CENPP: variants seen among roughly 807,000 people sequenced by gnomAD.
CENPP encodes centromere protein P.
CENPP carries 24 observed loss-of-function variants against 35.6 expected under a neutral mutation model. The observed-to-expected ratio is 0.67, with a 90% CI of 0.49 to 0.95. The LOEUF (loss-of-function observed/expected upper bound fraction) is 0.95. Ranked by LOEUF, CENPP falls within the 40% of genes least tolerant of loss-of-function variation. The probability of loss-of-function intolerance (pLI) is 0.00; values close to 1 mark genes in which losing one functional copy is unlikely to be tolerated. For missense variants in CENPP, 332 were observed against 345.3 expected (o/e 0.96, Z 0.31); for synonymous variants, 120 against 125.5 (o/e 0.96, Z 0.29).
intron 4 of CENPP, among the ~76,000 whole-genome samples, chr9:92,348,554 G>A (rs1441815909): frequency 8.6e-5 from 13 of 151,974 alleles, no homozygotes; most frequent in South Asian, 8.3e-4. Context: ...CACCACACCC[G>A]GCTAATTTTG....
intron 4 of CENPP, among the ~76,000 whole-genome samples, chr9:92,352,460 T>C (rs927954141): frequency 1.5e-5 from 2 of 132,340 alleles, no homozygotes; most frequent in Non-Finnish European, 3.1e-5. Flanking sequence ...AGCCTGTTGC[T>C]TAAAGCCTGT....
intron 4 of CENPP, among the ~76,000 whole-genome samples, chr9:92,351,115 T>A (rs1841428778): frequency 1.3e-5 from 2 of 152,134 alleles, no homozygotes; most frequent in East Asian, 3.8e-4. Context: ...TGTTAAAGAG[T>A]ACACTTCAAT....
intron 5 of CENPP, among the ~76,000 whole-genome samples, chr9:92,406,059 C>T (rs943078524): frequency 2.8e-4 from 43 of 152,164 alleles, no homozygotes; most frequent in Admixed American, 2.8e-3. Context: ...AAGCCACAAA[C>T]TGACTGGGAG....
chr9:92,559,248 T>C (rs1423765187), intron 5 of CENPP, among the ~76,000 whole-genome samples: 1 of 152,190 alleles, frequency 6.6e-6, no homozygotes, highest in Non-Finnish European at 1.5e-5. Context: ...CCCTGTGGTG[T>C]CAGGCAGGAA....
At chr9:92,569,550 C>T (rs907212200) in intron 5 of CENPP, among the ~76,000 whole-genome samples, 29 of 152,222 alleles carry the variant, frequency 1.9e-4, no homozygotes, top group African/African-American at 7.0e-4. Flanking sequence ...TTAGGATTGT[C>T]TTGGAAATGC....
intron 5 of CENPP, among the ~76,000 whole-genome samples, chr9:92,559,703 G>A (rs929528259): frequency 2.0e-5 from 3 of 151,986 alleles, no homozygotes; most frequent in Admixed American, 2.0e-4. Flanking sequence ...GTCTCACTAT[G>A]TTGCCAGGGC....
At chr9:92,510,392 A>T (rs1366452826) in intron 5 of CENPP, among the ~76,000 whole-genome samples, 1 of 152,252 alleles carries the variant, frequency 6.6e-6, no homozygotes, top group Non-Finnish European at 1.5e-5. Flanking sequence ...TTATGAAATC[A>T]TGCAGTAATC....
At chr9:92,551,113 G>C (rs950498249) in intron 5 of CENPP, among the ~76,000 whole-genome samples, 1 of 152,126 alleles carries the variant, frequency 6.6e-6, no homozygotes, top group Non-Finnish European at 1.5e-5. Flanking sequence ...GGCTGTGGGA[G>C]AGCACATAGA....
At chr9:92,571,059 T>G (rs994976004) in intron 5 of CENPP, among the ~76,000 whole-genome samples, 121 of 152,184 alleles carry the variant, frequency 8.0e-4, no homozygotes, top group Non-Finnish European at 1.3e-3. Context: ...TTTTGAAGGG[T>G]TTTTTGTGTC....
chr9:92,385,944 T>G (rs1202665661), intron 5 of CENPP, among the ~76,000 whole-genome samples: 1 of 152,220 alleles, frequency 6.6e-6, no homozygotes, highest in East Asian at 1.9e-4. Context: ...AATGTACACC[T>G]GGAGACAAAT....
At chr9:92,478,814 T>C (rs1044607608) in intron 5 of CENPP, among the ~76,000 whole-genome samples, 2 of 152,032 alleles carry the variant, frequency 1.3e-5, no homozygotes, top group Non-Finnish European at 2.9e-5. Context: ...ATTCCCAGTC[T>C]GGACCGGAAA....
chr9:92,349,624 G>A (rs1841393400), intron 4 of CENPP, among the ~76,000 whole-genome samples: 1 of 151,836 alleles, frequency 6.6e-6, no homozygotes, highest in Non-Finnish European at 1.5e-5. Context: ...GGATGGTCTC[G>A]ATCTCCTGAC....
At chr9:92,582,037 GT>G (rs1410678252) in intron 5 of CENPP, among the ~76,000 whole-genome samples, 7 of 148,814 alleles carry the variant, frequency 4.7e-5, no homozygotes, top group African/African-American at 1.8e-4. Flanking sequence ...GTGGTGTTTT[GT>G]TTTGTTTTGT....
At chr9:92,567,403 T>TAGATATAG (rs1176766190) in intron 5 of CENPP, among the ~76,000 whole-genome samples, 1 of 138,664 alleles carries the variant, frequency 7.2e-6, no homozygotes, top group South Asian at 2.2e-4. Flanking sequence ...TATAGATATA[T>TAGATATAG]ATATAAAGTG....
chr9:92,447,949 G>C (rs988023403), intron 5 of CENPP, among the ~76,000 whole-genome samples: 1 of 152,176 alleles, frequency 6.6e-6, no homozygotes, highest in Non-Finnish European at 1.5e-5. Flanking sequence ...TGCTACTTTT[G>C]AATGAGGTAA....
At chr9:92,557,951 GC>G (rs1157127861) in intron 5 of CENPP, among the ~76,000 whole-genome samples, 3 of 151,986 alleles carry the variant, frequency 2.0e-5, no homozygotes, top group Non-Finnish European at 4.4e-5. Context: ...CCTGCATTTC[GC>G]ATTTCTAAAA....
chr9:92,339,413 C>G (rs1412183008), intron 3 of CENPP, among the ~76,000 whole-genome samples: 7 of 152,170 alleles, frequency 4.6e-5, no homozygotes, highest in African/African-American at 1.7e-4. Context: ...AGTTTTGCTT[C>G]TCTTTGCAAT....
At chr9:92,416,308 C>T (rs1843610494) in intron 5 of CENPP, among the ~76,000 whole-genome samples, 1 of 151,602 alleles carries the variant, frequency 6.6e-6, no homozygotes, top group African/African-American at 2.4e-5. Context: ...CTATATTGAC[C>T]AGGCTGATCT....
At chr9:92,568,621 A>T (rs868017930) in intron 5 of CENPP, among the ~76,000 whole-genome samples, 5 of 152,190 alleles carry the variant, frequency 3.3e-5, no homozygotes, top group Non-Finnish European at 2.9e-5. Flanking sequence ...TGGCTGGGTC[A>T]AATGGTATTT....
Sources: gnomAD v4.1 joint callset for allele counts (sites outside exome capture counted in the v4.1 genomes callset) on GRCh38, gnomAD v4.1.1 for gene constraint, MANE v1.5 for transcripts, NCBI Gene and HGNC (gene_info 2026-07-23, HGNC 2026-07-21) for gene names.